SPON1: variants seen among roughly 807,000 people sequenced by gnomAD.
SPON1 encodes the protein spondin 1.
SPON1 carries 52 observed loss-of-function variants against 111.7 expected under a neutral mutation model. The ratio of observed to expected loss-of-function variants is 0.47; its 90% CI spans 0.37 to 0.59. The LOEUF is 0.59. Among genes scored for constraint, SPON1 ranks in the 20% least tolerant of loss-of-function variants. The pLI is 0.00. For missense variants in SPON1, 957 were observed against 1,068.5 expected, an observed-to-expected ratio of 0.90 and a Z score of 1.46; for synonymous variants, 410 against 395.8, an observed-to-expected ratio of 1.04 and a Z score of -0.43.
At chr11:14,246,122 G>A (rs12361851) in intron 7 of SPON1, among the ~76,000 whole-genome samples, 56,958 of 151,896 alleles carry the variant, frequency 0.37, 11,032 homozygotes, top group Admixed American at 0.47. Context: ...AGAGTTTGTG[G>A]GTACCAATTT....
intron 5 of SPON1, among the ~76,000 whole-genome samples, chr11:14,080,354 G>C (rs1848953097): frequency 6.6e-6 from 1 of 151,886 alleles, no homozygotes; most frequent in South Asian, 2.1e-4. Context: ...TCAGCCTCCT[G>C]AGTAGCTGGG....
At chr11:14,072,800 A>G (rs1554921054) in intron 3 of SPON1, among the ~76,000 whole-genome samples, 1 of 152,162 alleles carries the variant, frequency 6.6e-6, no homozygotes, top group Non-Finnish European at 1.5e-5. Context: ...TTTTTACTAC[A>G]TCCTGAGTGC....
chr11:14,201,181 A>G (rs1319618790), intron 6 of SPON1, among the ~76,000 whole-genome samples: 2 of 152,032 alleles, frequency 1.3e-5, no homozygotes, highest in East Asian at 3.9e-4. Flanking sequence ...TCTACTAAAA[A>G]TACAAAAAAT....
At chr11:14,119,162 C>A (rs1411553218) in intron 5 of SPON1, among the ~76,000 whole-genome samples, 6 of 152,098 alleles carry the variant, frequency 3.9e-5, no homozygotes, top group African/African-American at 1.4e-4. Flanking sequence ...TGGGCCCAGA[C>A]ACATGATCTT....
chr11:14,263,040 T>C, intron 15 of SPON1, 65 bp downstream of exon 15: 1 of 1,430,550 alleles, frequency 7.0e-7, no homozygotes, highest in Admixed American at 2.4e-5. Flanking sequence ...CTGGGCTAAG[T>C]CTTGGACCTG....
chr11:14,245,456 A>G (rs1453962384), intron 7 of SPON1, among the ~76,000 whole-genome samples: 5 of 152,164 alleles, frequency 3.3e-5, no homozygotes, highest in Non-Finnish European at 7.4e-5. Context: ...TATAAAATAT[A>G]ATGTCATCAT....
chr11:14,120,689 G>A (rs1554926416), intron 5 of SPON1, among the ~76,000 whole-genome samples: 1 of 152,096 alleles, frequency 6.6e-6, no homozygotes. Flanking sequence ...TCCTGTGCAT[G>A]TCCTGGTTTG....
intron 5 of SPON1, among the ~76,000 whole-genome samples, chr11:14,090,088 G>A (rs1220770779): frequency 2.6e-5 from 4 of 152,120 alleles, no homozygotes; most frequent in African/African-American, 7.2e-5. Context: ...TGGGCTCCAC[G>A]GGAATGGGAC....
chr11:14,142,918 CCCT>C (rs1390815887), intron 6 of SPON1, among the ~76,000 whole-genome samples: 1 of 152,346 alleles, frequency 6.6e-6, no homozygotes, highest in East Asian at 1.9e-4. Flanking sequence ...AACTCTCTCT[CCCT>C]CCTCCACACT....
At position 14,213,681 on chromosome 11, in the gene SPON1, G is replaced by A. The variant is rs114609147; in HGVS notation, c.826-29651G>A. 6.7e-3 allele frequency among the ~76,000 whole-genome samples: 1,023 copies of A among 152,320 alleles called. 11 individuals carry two copies. The highest frequency in any genetic ancestry group is 0.024 in the African/African-American group (978 of 41,558). ...GCCTCAAGAGTCCTTCAGTTGAGCT[G>A]AGGAAATAGCCAAATAATTGACTAG... On this transcript the variant is annotated intron_variant, in intron 6 of 15. Coordinates refer to ENST00000576479, the MANE Select transcript of SPON1 (RefSeq NM_006108.4).
At chr11:14,078,388 C>T (rs1848934727) in intron 4 of SPON1, among the ~76,000 whole-genome samples, 2 of 152,080 alleles carry the variant, frequency 1.3e-5, no homozygotes, top group South Asian at 4.1e-4. Flanking sequence ...ATTTAATAGC[C>T]CCTAGTAGCT....
Position 14,267,607 on chromosome 11 carries a change from T to C in SPON1, c.*1920T>C, listed in dbSNP as rs1418208587. ...GTATTTGGTCCCAGTTGGGTACATTTTAAAATCCTGATTTTGGAGACTTAA... is the reference window on the plus strand; with the variant it reads ...GTATTTGGTCCCAGTTGGGTACATTCTAAAATCCTGATTTTGGAGACTTAA... On this transcript the variant is annotated 3_prime_UTR_variant, in exon 16 of 16. Transcript: ENST00000576479. The C allele has an allele frequency of 1.3e-5, 2 of 152,228 alleles. No homozygotes were observed. The highest frequency in any genetic ancestry group is 2.9e-5 in the Non-Finnish European group (2 of 68,042). 9.4% of individuals were successfully genotyped at this position (152,228 alleles called of 1,614,324 possible). A position where few individuals can be genotyped will look rare whatever the true frequency, so the allele number is the denominator to read the frequency against.
chr11:13,980,231 G>A lies in SPON1; in HGVS notation c.239-2616G>A, dbSNP rs544265853. On this transcript the variant is annotated intron_variant, in intron 1 of 15. Transcript: ENST00000576479. Reference sequence around the variant, plus strand: ...AATTTTTTGTATTTTTAGTAGAGATGGGGTTTCACCATGTTGGCCAGGCTG... The same window carrying A: ...AATTTTTTGTATTTTTAGTAGAGATAGGGTTTCACCATGTTGGCCAGGCTG... Among the ~76,000 whole-genome samples, 450 of 152,044 alleles carry A rather than the reference G, an allele frequency of 3.0e-3. 4 individuals carry two copies. The highest frequency in any genetic ancestry group is 4.9e-3 in the Non-Finnish European group (334 of 67,984).
intron 5 of SPON1, among the ~76,000 whole-genome samples, chr11:14,128,895 C>G (rs1305479484): frequency 6.6e-6 from 1 of 152,266 alleles, no homozygotes; most frequent in Non-Finnish European, 1.5e-5. Flanking sequence ...CTTGCACCCT[C>G]TAAAGCAATG....
intron 6 of SPON1, among the ~76,000 whole-genome samples, chr11:14,161,265 A>G (rs1288010569): frequency 2.3e-5 from 1 of 43,280 alleles, no homozygotes; most frequent in African/African-American, 7.4e-5. Context: ...ATATATTTAT[A>G]TATCTGTATA....
chr11:14,181,735 G>A (rs1020701195), intron 6 of SPON1, among the ~76,000 whole-genome samples: 4 of 152,124 alleles, frequency 2.6e-5, no homozygotes, highest in Admixed American at 2.6e-4. Context: ...GACCTAGTTG[G>A]CACAGAGTAT....
At chr11:14,132,908 A>G (rs1847544352) in intron 5 of SPON1, among the ~76,000 whole-genome samples, 1 of 152,184 alleles carries the variant, frequency 6.6e-6, no homozygotes, top group Non-Finnish European at 1.5e-5. Context: ...AAATAATTTA[A>G]TTTAATTCTC....
chr11:13,982,834 T>C lies in SPON1; in HGVS notation c.239-13T>C, dbSNP rs1848154582. The C allele has an allele frequency of 6.5e-7, 1 of 1,527,536 alleles. No homozygotes were observed. Among genetic ancestry groups the C allele is most frequent in the Non-Finnish European group, 8.9e-7 (1 of 1,124,424 alleles). 94.6% of individuals were successfully genotyped at this position (1,527,536 alleles called of 1,614,324 possible). On this transcript the variant is annotated splice_polypyrimidine_tract_variant and intron_variant, in intron 1 of 15. Transcript: ENST00000576479. ...TTCTTATACTTAAAACCTGCTTTTT[T>C]CTCTCTCTGCAGTAACACTTTCAGC...
At chr11:14,219,490 G>T (rs1236649532) in intron 6 of SPON1, among the ~76,000 whole-genome samples, 1 of 152,152 alleles carries the variant, frequency 6.6e-6, no homozygotes, top group Non-Finnish European at 1.5e-5. Flanking sequence ...ATACAGAAGT[G>T]ACCCTGAGAT....
Sources: allele counts gnomAD v4.1 joint callset (sites outside exome capture counted in the v4.1 genomes callset), GRCh38; gene constraint gnomAD v4.1.1; transcripts MANE v1.5; gene names NCBI Gene and HGNC (gene_info 2026-07-23, HGNC 2026-07-21).